Variants in AVEN observed in about 807,000 individuals in gnomAD.
AVEN encodes apoptosis and caspase activation inhibitor, also known as cell death regulator Aven.
In AVEN, 41 loss-of-function variants were observed where a neutral mutation model predicts 38.1. The ratio of observed to expected loss-of-function variants is 1.08; its 90% CI spans 0.84 to 1.40. The LOEUF (loss-of-function observed/expected upper bound fraction) is 1.40. AVEN is among the 40% of genes most tolerant of loss of function. The probability of loss-of-function intolerance (pLI) is 0.00; values close to 1 mark genes in which losing one functional copy is unlikely to be tolerated. For missense variants in AVEN, 605 were observed against 438.8 expected, an observed-to-expected ratio of 1.38 and a Z score of -3.38; for synonymous variants, 206 against 171.8, an observed-to-expected ratio of 1.20 and a Z score of -1.56.
At chr15:33,865,285 C>A (rs200126350), downstream of AVEN, 1 of 1,228,734 alleles carries the variant, frequency 8.1e-7, no homozygotes. Flanking sequence ...AATAAAGTCC[C>A]CTTTTTACAG....
chr15:33,901,460 G>A (rs1892496742), intron 2 of AVEN, among the ~76,000 whole-genome samples: 1 of 152,166 alleles, frequency 6.6e-6, no homozygotes, highest in Non-Finnish European at 1.5e-5. Flanking sequence ...GAATAATACT[G>A]AAATGAACAT....
intron 2 of AVEN, among the ~76,000 whole-genome samples, chr15:33,902,978 T>C (rs1404595086): frequency 1.3e-5 from 2 of 152,210 alleles, no homozygotes; most frequent in Non-Finnish European, 2.9e-5. Context: ...GAGCCACTTG[T>C]CATTCTTTTG....
downstream of AVEN, among the ~76,000 whole-genome samples, chr15:33,854,195 CA>C (rs35238625): frequency 7.2e-5 from 10 of 138,060 alleles, no homozygotes; most frequent in African/African-American, 8.1e-5. Context: ...GACTCCGTTT[CA>C]AAAAAAAAAA....
intron 2 of AVEN, among the ~76,000 whole-genome samples, chr15:33,993,840 GT>G (rs11340199): frequency 0.99 from 150,884 of 152,072 alleles, 74,863 homozygotes; most frequent in Non-Finnish European, 1. Context: ...AAAAAATAGG[GT>G]TTTTTTTTCC....
At chr15:34,040,082 T>C (rs761641125), upstream of AVEN, among the ~76,000 whole-genome samples, 1 of 152,212 alleles carries the variant, frequency 6.6e-6, no homozygotes, top group Non-Finnish European at 1.5e-5. Context: ...TTCTTTCCTA[T>C]ATCCATACAT....
At chr15:34,039,779 GAGGT>G (rs1899388909), upstream of AVEN, among the ~76,000 whole-genome samples, 1 of 152,190 alleles carries the variant, frequency 6.6e-6, no homozygotes, top group African/African-American at 2.4e-5. Context: ...ACAGCTCTAT[GAGGT>G]AGGGATGACT....
chr15:33,867,673 T>C lies in AVEN; in HGVS notation c.795A>G (p.Ser265=). Residue 265 remains serine, a synonymous_variant, in exon 5 of 6, where the codon TCA becomes TCG. Coordinates refer to ENST00000306730, the MANE Select transcript of AVEN (RefSeq NM_020371.3). ...GGGAAGTGGGTTTCTGAGAATCCCTTGAAGGACCCGGGCTTGGGTTGTCTT... is the reference window on the plus strand; with the variant it reads ...GGGAAGTGGGTTTCTGAGAATCCCTCGAAGGACCCGGGCTTGGGTTGTCTT... The part of the protein sequence containing the change: ...LGKDNPSPGP[S]RDSQKPTSPL... 6 of 1,614,174 alleles carry C rather than the reference T, an allele frequency of 3.7e-6. No homozygotes were observed. The highest frequency in any genetic ancestry group is 5.1e-6 in the Non-Finnish European group (6 of 1,180,018).
At chr15:33,963,810 A>AAAG (rs1895289287) in intron 2 of AVEN, among the ~76,000 whole-genome samples, 1 of 150,726 alleles carries the variant, frequency 6.6e-6, no homozygotes. Flanking sequence ...AAAAAAAAAA[A>AAAG]AAAGAAAACG....
intron 1 of AVEN, among the ~76,000 whole-genome samples, chr15:34,015,603 T>C (rs1229906165): frequency 5.3e-5 from 8 of 152,344 alleles, no homozygotes; most frequent in Non-Finnish European, 1.0e-4. Flanking sequence ...CCCTCGGTCT[T>C]TAGGAGCTAA....
downstream of AVEN, among the ~76,000 whole-genome samples, chr15:33,854,003 C>G (rs11852646): frequency 0.047 from 7,146 of 152,012 alleles, 452 homozygotes; most frequent in African/African-American, 0.14. Context: ...ACCAGCCTGG[C>G]CAACATAGTG....
intron 2 of AVEN, among the ~76,000 whole-genome samples, chr15:33,964,553 G>A (rs576790125): frequency 4.7e-4 from 71 of 151,918 alleles, no homozygotes; most frequent in Non-Finnish European, 8.5e-4. Flanking sequence ...TACATATGAA[G>A]ACAGCAACTG....
intron 1 of AVEN, among the ~76,000 whole-genome samples, chr15:34,008,967 CACACACACAG>C: frequency 6.6e-6 from 1 of 151,930 alleles, no homozygotes; most frequent in South Asian, 2.1e-4. Context: ...CACACACACA[CACACACACAG>C]ACCATCGAGA....
At chr15:33,902,712 T>C (rs1158099248) in intron 2 of AVEN, among the ~76,000 whole-genome samples, 1 of 152,150 alleles carries the variant, frequency 6.6e-6, no homozygotes. Context: ...TCAGTAAAGT[T>C]GCAATATACA....
At chr15:33,924,376 A>G (rs895165966) in intron 2 of AVEN, among the ~76,000 whole-genome samples, 1 of 152,086 alleles carries the variant, frequency 6.6e-6, no homozygotes, top group Admixed American at 6.6e-5. Flanking sequence ...TCAAAAAAAA[A>G]AAAAAATTAT....
downstream of AVEN, chr15:33,865,076 G>A: frequency 7.0e-7 from 1 of 1,427,722 alleles, no homozygotes; most frequent in Non-Finnish European, 9.8e-7. Flanking sequence ...AACAAACTGG[G>A]TTTTAGCTTT....
In AVEN at chr15:33,859,596, G is replaced by A. The variant is rs865913643; in HGVS notation, n.2730-502C>T. Reference sequence around the variant, plus strand: ...CTAGTGTTACCTTTTCCACATGTACGTGGGAGTGAGAGCAGGAGGTGGCAT... The same window carrying A: ...CTAGTGTTACCTTTTCCACATGTACATGGGAGTGAGAGCAGGAGGTGGCAT... On this transcript the variant is annotated intron_variant and non_coding_transcript_variant, in intron 11 of 11. Coordinates refer to the AVEN transcript ENST00000675287. The A allele has an allele frequency of 3.7e-6, 6 of 1,613,996 alleles. No individual in the cohort carries two copies. The highest frequency in any genetic ancestry group is 5.1e-6 in the Non-Finnish European group (6 of 1,179,880).
chr15:33,920,012 C>A (rs1893330473), intron 2 of AVEN, among the ~76,000 whole-genome samples: 1 of 152,242 alleles, frequency 6.6e-6, no homozygotes, highest in Middle Eastern at 3.4e-3. Flanking sequence ...CTATCCATCT[C>A]CTCCATCAGA....
chr15:33,937,932 CAAAAAAAAAAAA>C (rs55887919), intron 2 of AVEN, among the ~76,000 whole-genome samples: 1 of 100,868 alleles, frequency 9.9e-6, no homozygotes, highest in African/African-American at 3.4e-5. Flanking sequence ...CCTACTTGAC[CAAAAAAAAAAAA>C]AAAAAAAAAA....
chr15:33,997,122 A>T (rs1474818977), intron 2 of AVEN, among the ~76,000 whole-genome samples: 2 of 152,236 alleles, frequency 1.3e-5, no homozygotes, highest in African/African-American at 4.8e-5. Context: ...ATAGGAGAAC[A>T]TCTTTAACCT....
Sources: allele counts gnomAD v4.1 joint callset (sites outside exome capture counted in the v4.1 genomes callset), GRCh38; gene constraint gnomAD v4.1.1; transcripts MANE v1.5; gene names NCBI Gene and HGNC (gene_info 2026-07-23, HGNC 2026-07-21).